Variants in NIN observed in about 807,000 individuals in gnomAD.
NIN encodes ninein.
A neutral mutation model predicts 257.6 loss-of-function variants in NIN; 137 were observed. That is an observed-to-expected ratio of 0.53 (90% CI 0.46 to 0.61). The LOEUF (loss-of-function observed/expected upper bound fraction) is 0.61. Among genes scored for constraint, NIN ranks in the 20% least tolerant of loss-of-function variants. The pLI, the probability that NIN is intolerant of heterozygous loss-of-function variation, is 0.00. For missense variants in NIN, 2,439 were observed against 2,501.2 expected, an observed-to-expected ratio of 0.98 and a Z score of 0.53; for synonymous variants, 918 against 919.8, an observed-to-expected ratio of 1.00 and a Z score of 0.04.
Position 50,752,504 on chromosome 14 carries a change from G to A in NIN, c.4950+14C>T. ...TTTCCTCAAAAAAAGCTGTCAGGTG[G>A]CTACAGGCCATACCTGCACTTTACA... On this transcript the variant is annotated intron_variant, in intron 21 of 30. Transcript: ENST00000530997. 6.3e-7 allele frequency: 1 copy of A among 1,580,680 alleles called. No homozygotes were observed. The highest frequency in any genetic ancestry group is 8.6e-7 in the Non-Finnish European group (1 of 1,160,904).
rs759510578 is a variant in NIN, at chr14:50,770,941, C to T, written c.1170G>A (p.Leu390=). 1 of 1,614,208 alleles carries T rather than the reference C, an allele frequency of 6.2e-7. No individual in the cohort carries two copies. The highest frequency in any genetic ancestry group is 8.5e-7 in the Non-Finnish European group (1 of 1,180,034). ...AAGACTTGAGCTTCTCGGCCTTGTC[C>T]AGATCTGACCGTAGCTTCTCTTTTT... is the stretch of plus-strand genomic sequence containing the variant. The part of the protein sequence containing the change: ...VREKEKLRSD[L]DKAEKLKSLM... The change falls in exon 11 of 31, where the codon CTG becomes CTA. Residue 390 remains leucine (L), a synonymous_variant. Coordinates refer to ENST00000530997, the MANE Select transcript of NIN (RefSeq NM_020921.4).
At position 50,823,511 on chromosome 14, in the gene NIN, C is replaced by A. The variant is rs1371278415; in HGVS notation, c.-21-1434G>T. On this transcript the variant is annotated intron_variant, in intron 2 of 30. Transcript: ENST00000530997. ...AATAAAAGAGCTTTCTAAAACAAAT[C>A]AATGTTGCTCTAGGTTGTGTTTGCT... is the stretch of plus-strand genomic sequence containing the variant. 2.6e-5 allele frequency: 7 copies of A among 265,496 alleles called. No individual in the cohort carries two copies. The Admixed American group carries it at 3.1e-4, about 12-fold the overall frequency. The allele number at this position is 265,496 out of a possible 1,614,324, so 16.4% of individuals were successfully genotyped here.
At chr14:50,796,208 T>C (rs958835399) in intron 4 of NIN, among the ~76,000 whole-genome samples, 22 of 152,206 alleles carry the variant, frequency 1.4e-4, no homozygotes, top group African/African-American at 4.1e-4. Flanking sequence ...AAGCCCAGCT[T>C]GCCTGGAGGT....
rs749221469 is a variant in NIN, at chr14:50,739,462, T to A, written c.5474A>T (p.His1825Leu). Residue 1825 changes from histidine to leucine, a missense_variant, in exon 26 of 31, where the codon CAT (histidine) becomes CTT (leucine). Coordinates refer to ENST00000530997, the MANE Select transcript of NIN (RefSeq NM_020921.4). ...GKSWAPEIATHPSGLHNQQKR... is the reference protein window; with the variant it reads ...GKSWAPEIATLPSGLHNQQKR... ...CTGCTGGTTATGGAGCCCTGATGGA[T>A]GAGTAGCTATCTCTGGGGCCCAGCT... is the stretch of plus-strand genomic sequence containing the variant. The A allele has an allele frequency of 9.3e-6, 15 of 1,614,112 alleles. No homozygotes were observed. Among genetic ancestry groups the A allele is most frequent in the Non-Finnish European group, 1.1e-5 (13 of 1,180,048 alleles).
At chr14:50,735,743 G>T (rs1347746115) in intron 27 of NIN, 126 bp from the exon 28 acceptor site, 2 of 1,225,874 alleles carry the variant, frequency 1.6e-6, no homozygotes, top group Non-Finnish European at 1.1e-6. Context: ...AGTTAATTCA[G>T]TGACAAACAA....
At position 50,758,489 on chromosome 14, in the gene NIN, G is replaced by A. The variant is rs770684570; in HGVS notation, c.2541C>T (p.Leu847=). The A allele has an allele frequency of 1.2e-6, 2 of 1,614,198 alleles. No individual in the cohort carries two copies. Among genetic ancestry groups the A allele is most frequent in the Non-Finnish European group, 1.7e-6 (2 of 1,180,042 alleles). The stretch of plus-strand genomic sequence containing the variant: ...ATTTCTCCTCACGCTGCTGTTCCTG[G>A]AGGTCCTTCAGCTCTTGGCGGTAGC... ...EGRYRQELKD[L]QEQQREEKSQ... Residue 847 remains leucine (L), a synonymous_variant, in exon 18 of 31, where the codon CTC becomes CTT. Coordinates refer to ENST00000530997, the MANE Select transcript of NIN (RefSeq NM_020921.4).
In NIN at chr14:50,745,186, C is replaced by T. The variant is rs75959801; in HGVS notation, c.5065-821G>A. ...GTGCTGGTACTAGTCTCATTTTGGG[C>T]TGGATAATTCTTCAGGCGTTGGGGG... On this transcript the variant is annotated intron_variant, in intron 22 of 30. Transcript: ENST00000530997. Among the ~76,000 whole-genome samples the T allele has an allele frequency of 6.5e-3, 990 of 152,224 alleles. 11 individuals carry two copies. The highest frequency in any genetic ancestry group is 0.023 in the African/African-American group (952 of 41,534).
chr14:50,729,491 G>A (rs923944965), intron 29 of NIN, 32 bp downstream of exon 29: 18 of 1,579,712 alleles, frequency 1.1e-5, no homozygotes, highest in Admixed American at 3.5e-5. Context: ...AAAATTAACA[G>A]GTGATCTACT....
chr14:50,774,176 G>A (rs1314517448), intron 7 of NIN, among the ~76,000 whole-genome samples: 1 of 152,186 alleles, frequency 6.6e-6, no homozygotes. Flanking sequence ...GCAACAAATT[G>A]CTCTTGTTGC....
rs894331686 is a variant in NIN at position 50,772,202 on chromosome 14, T to C, written c.981+99A>G. On this transcript the variant is annotated intron_variant, in intron 9 of 30. Coordinates refer to ENST00000530997, the MANE Select transcript of NIN (RefSeq NM_020921.4). ...GAGACTTTGTGAACAGAAGTACCAT[T>C]AAGAAGAAAGAAAATCAAATCACAG... 1.3e-5 allele frequency: 15 copies of C among 1,151,462 alleles called. No individual in the cohort carries two copies. In the Admixed American group the frequency reaches 3.8e-4, roughly 29 times the overall value. 71.3% of individuals were successfully genotyped at this position (1,151,462 alleles called of 1,614,324 possible).
intron 28 of NIN, among the ~76,000 whole-genome samples, chr14:50,734,107 T>TGAGATG (rs1167458517): frequency 4.0e-5 from 6 of 151,638 alleles, no homozygotes; most frequent in African/African-American, 1.5e-4. Flanking sequence ...TTTTTCTTTT[T>TGAGATG]GAGATGGAGT....
intron 28 of NIN, chr14:50,731,109 ATATG>A: frequency 3.1e-6 from 1 of 319,838 alleles, no homozygotes; most frequent in South Asian, 2.6e-5. Context: ...GAATAAGAGC[ATATG>A]AAAGACACAT....
rs754207753 is a variant in NIN at position 50,761,885 on chromosome 14, A to G, written c.1801T>C (p.Leu601=). 6.2e-7 allele frequency: 1 copy of G among 1,614,136 alleles called. No individual in the cohort carries two copies. The highest frequency in any genetic ancestry group is 1.3e-5 in the African/African-American group (1 of 75,030). The change falls in exon 16 of 31, where the codon TTG becomes CTG. Residue 601 remains leucine, a synonymous_variant. Coordinates refer to ENST00000530997, the MANE Select transcript of NIN (RefSeq NM_020921.4). ...AGCTCTGCCTCAATGCTCATATTCA[A>G]TGGATTGCATTCTTCAGAACCGAGC... The part of the protein sequence containing the change: ...HGLGSEECNP[L]NMSIEAELVI...
At position 50,756,804 on chromosome 14, in the gene NIN, ATTTC is replaced by A. The variant is rs1334438977; in HGVS notation, c.4222_4225del (p.Glu1408LeufsTer30). 1 of 1,551,492 alleles carries A rather than the reference ATTTC, an allele frequency of 6.4e-7. No homozygotes were observed. The highest frequency in any genetic ancestry group is 1.2e-5 in the South Asian group (1 of 84,060). On this transcript the variant is annotated frameshift_variant, in exon 18 of 31. Coordinates refer to ENST00000530997, the MANE Select transcript of NIN (RefSeq NM_020921.4). LOFTEE classifies it high-confidence loss of function. ...CTGAATTGTTCCATGTAACCAGGCA[ATTTC>A]ATGTGCTTTTACTTTTTCCAAGAGC...
At chr14:50,743,043 A>T (rs2041364544) in intron 24 of NIN, among the ~76,000 whole-genome samples, 4 of 151,952 alleles carry the variant, frequency 2.6e-5, no homozygotes, top group African/African-American at 9.7e-5. Flanking sequence ...GGCTCACTGC[A>T]TCCTCTGCCT....
chr14:50,830,154 G>A (rs558437544), intron 2 of NIN, among the ~76,000 whole-genome samples: 1 of 152,316 alleles, frequency 6.6e-6, no homozygotes, highest in African/African-American at 2.4e-5. Context: ...TGTACGGGCG[G>A]CACATGCCAA....
chr14:50,736,922 G>A (rs903815269), intron 27 of NIN, among the ~76,000 whole-genome samples: 4 of 152,176 alleles, frequency 2.6e-5, no homozygotes, highest in African/African-American at 9.7e-5. Context: ...ACAACTCTGA[G>A]AAGTCTGGTC....
intron 4 of NIN, among the ~76,000 whole-genome samples, chr14:50,798,366 G>A (rs2043935246): frequency 6.6e-6 from 1 of 152,190 alleles, no homozygotes; most frequent in Admixed American, 6.5e-5. Context: ...GTAACAGGGT[G>A]GCTTTGATTA....
chr14:50,754,476 T>C (rs1243794447), intron 20 of NIN, 87 bp downstream of exon 20: 5 of 1,052,762 alleles, frequency 4.7e-6, no homozygotes, highest in Non-Finnish European at 7.0e-6. Context: ...ATGCTATTCA[T>C]TACCGTGTGC....
Sources: gnomAD v4.1 joint callset for allele counts (sites outside exome capture counted in the v4.1 genomes callset) on GRCh38, gnomAD v4.1.1 for gene constraint, MANE v1.5 for transcripts, NCBI Gene and HGNC (gene_info 2026-07-23, HGNC 2026-07-21) for gene names.